The following EPC1 variants were observed in gnomAD, a reference collection of about 807,000 sequenced individuals.
EPC1 encodes enhancer of polycomb homolog 1.
Under a neutral mutation model 98.4 loss-of-function variants are expected in EPC1, and 12 were observed. That is an observed-to-expected ratio of 0.12 (90% CI 0.08 to 0.20). EPC1 has a LOEUF of 0.20. Among genes scored for constraint, EPC1 ranks in the 10% least tolerant of loss-of-function variants. The pLI is 1.00. For missense variants in EPC1, 729 were observed against 990.5 expected, an observed-to-expected ratio of 0.74 and a Z score of 3.54; for synonymous variants, 357 against 363.9, an observed-to-expected ratio of 0.98 and a Z score of 0.21.
chr10:32,360,042 T>C (rs932189834), intron 1 of EPC1, among the ~76,000 whole-genome samples: 2 of 152,170 alleles, frequency 1.3e-5, no homozygotes, highest in Admixed American at 6.5e-5. Flanking sequence ...CATGTTTGTA[T>C]CAGTAGCAGG....
At chr10:32,308,077 G>A (rs1176121371) in intron 1 of EPC1, among the ~76,000 whole-genome samples, 1 of 152,178 alleles carries the variant, frequency 6.6e-6, no homozygotes, top group Admixed American at 6.5e-5. Context: ...AGAGGTAGCT[G>A]TAGTTGAGAA....
intron 1 of EPC1, among the ~76,000 whole-genome samples, chr10:32,329,960 CA>C (rs1250057418): frequency 6.6e-6 from 1 of 152,138 alleles, no homozygotes; most frequent in Non-Finnish European, 1.5e-5. Context: ...AACCAACCCA[CA>C]GGGGAATGGT....
chr10:32,273,815 T>C (rs1835953765), intron 10 of EPC1: 1 of 151,974 alleles, frequency 6.6e-6, no homozygotes, highest in African/African-American at 2.4e-5. Flanking sequence ...TTACAGTTGT[T>C]GGTTGGTTTA....
chr10:32,319,681 T>C (rs993416321), intron 1 of EPC1, among the ~76,000 whole-genome samples: 5 of 152,154 alleles, frequency 3.3e-5, no homozygotes, highest in Non-Finnish European at 7.4e-5. Flanking sequence ...AAAAGATGTA[T>C]ATTTTTTTCT....
At chr10:32,377,632 A>G (rs1004804891) in intron 1 of EPC1, among the ~76,000 whole-genome samples, 3 of 152,190 alleles carry the variant, frequency 2.0e-5, no homozygotes, top group Non-Finnish European at 4.4e-5. Context: ...TCCACTGACT[A>G]AAATGAACTT....
intron 10 of EPC1, among the ~76,000 whole-genome samples, chr10:32,275,179 GTGTT>G (rs1836017452): frequency 1.3e-5 from 2 of 152,226 alleles, no homozygotes; most frequent in Non-Finnish European, 2.9e-5. Context: ...GCTGGCGTGT[GTGTT>G]TAATTAAACA....
chr10:32,325,567 T>C (rs146441432), intron 1 of EPC1, among the ~76,000 whole-genome samples: 1 of 152,340 alleles, frequency 6.6e-6, no homozygotes, highest in African/African-American at 2.4e-5. Context: ...AATTCCCTTA[T>C]TTCAGAGTGG....
At chr10:32,315,908 C>T (rs140659688) in intron 1 of EPC1, among the ~76,000 whole-genome samples, 17 of 152,246 alleles carry the variant, frequency 1.1e-4, no homozygotes, top group Admixed American at 3.9e-4. Context: ...ACTTATTTCC[C>T]ATCTCACTCA....
intron 1 of EPC1, among the ~76,000 whole-genome samples, chr10:32,376,061 C>G (rs1168311147): frequency 6.6e-6 from 1 of 151,790 alleles, no homozygotes; most frequent in Non-Finnish European, 1.5e-5. Context: ...CTGTTTTTGC[C>G]TCATAGATTT....
intron 1 of EPC1, among the ~76,000 whole-genome samples, chr10:32,344,556 C>T (rs931401251): frequency 2.0e-5 from 3 of 149,154 alleles, no homozygotes; most frequent in African/African-American, 7.4e-5. Context: ...GAGGTCGAGG[C>T]GGGCGGATCA....
intron 9 of EPC1, 33 bp from the exon 10 acceptor site, chr10:32,285,083 AAAATAG>A: frequency 6.5e-7 from 1 of 1,531,016 alleles, no homozygotes; most frequent in Non-Finnish European, 8.9e-7. Context: ...ACAGTTATTT[AAAATAG>A]CTATTCAAAG....
At chr10:32,286,510 C>T in intron 9 of EPC1, 184 bp downstream of exon 9, 1 of 685,302 alleles carries the variant, frequency 1.5e-6, no homozygotes, top group Non-Finnish European at 2.3e-6. Context: ...AGAGTTATGT[C>T]AAAAACTATG....
At chr10:32,303,243 A>C (rs1425972127) in intron 2 of EPC1, among the ~76,000 whole-genome samples, 1 of 152,026 alleles carries the variant, frequency 6.6e-6, no homozygotes, top group Non-Finnish European at 1.5e-5. Context: ...TGCAGGTTGC[A>C]GTGAGCTGGG....
intron 10 of EPC1, among the ~76,000 whole-genome samples, chr10:32,279,861 A>G (rs1836305931): frequency 6.6e-6 from 1 of 152,202 alleles, no homozygotes; most frequent in South Asian, 2.1e-4. Context: ...GAAGATTATT[A>G]AAAATATACA....
chr10:32,296,051 C>A (rs1835137629), intron 2 of EPC1, among the ~76,000 whole-genome samples: 2 of 151,632 alleles, frequency 1.3e-5, no homozygotes, highest in South Asian at 4.2e-4. Context: ...AGCCTTCCAA[C>A]GAGCTGGGAT....
Position 32,271,793 on chromosome 10 carries a change from A to G in EPC1, c.2130T>C (p.Ser710=). The G allele has an allele frequency of 6.2e-7, 1 of 1,614,206 alleles. No homozygotes were observed. The highest frequency in any genetic ancestry group is 8.5e-7 in the Non-Finnish European group (1 of 1,180,036). ...SNITQTSSSH[S]ALSHQVTAAN... is the part of the protein sequence containing the mutation. Reference sequence around the variant, plus strand: ...CAGCAGTTACTTGATGACTCAGTGCACTGTGGGAACTTGAAGTCTGTGTAA... The same window carrying G: ...CAGCAGTTACTTGATGACTCAGTGCGCTGTGGGAACTTGAAGTCTGTGTAA... The change falls in exon 13 of 14, where the codon AGT becomes AGC. Residue 710 remains serine (S), a synonymous_variant. Coordinates refer to ENST00000319778, the MANE Select transcript of EPC1 (RefSeq NM_001272004.3).
chr10:32,335,265 G>C (rs1006997445), intron 1 of EPC1, among the ~76,000 whole-genome samples: 2 of 151,994 alleles, frequency 1.3e-5, no homozygotes, highest in Non-Finnish European at 2.9e-5. Context: ...TACCACCCTG[G>C]CTCTCATCAC....
At chr10:32,287,049 G>C in intron 7 of EPC1, 34 bp from the exon 8 acceptor site, 1 of 1,613,376 alleles carries the variant, frequency 6.2e-7, no homozygotes, top group Non-Finnish European at 8.5e-7. Flanking sequence ...GGTCAGATAC[G>C]TGACTTCCTA....
At chr10:32,272,720 G>A (rs2104619) in intron 11 of EPC1, among the ~76,000 whole-genome samples, 133,230 of 152,238 alleles carry the variant, frequency 0.88, 58,309 homozygotes, top group East Asian at 0.96. Context: ...CAAGATGCAG[G>A]GACTCAAACC....
Sources: allele counts gnomAD v4.1 joint callset (sites outside exome capture counted in the v4.1 genomes callset), GRCh38; gene constraint gnomAD v4.1.1; transcripts MANE v1.5; gene names NCBI Gene and HGNC (gene_info 2026-07-23, HGNC 2026-07-21).